Variants in SYTL1 observed in about 807,000 individuals in gnomAD.
SYTL1 encodes synaptotagmin like 1, also known as synaptotagmin-like protein 1.
A neutral mutation model predicts 74.6 loss-of-function variants in SYTL1; 53 were observed. The observed-to-expected ratio is 0.71, with a 90% CI of 0.57 to 0.89. SYTL1 has a LOEUF of 0.89. Among genes scored for constraint, SYTL1 ranks in the 40% least tolerant of loss-of-function variants. The pLI is 0.00. For missense variants in SYTL1, 728 were observed against 768.7 expected, an observed-to-expected ratio of 0.95 and a Z score of 0.63; for synonymous variants, 329 against 324.9, an observed-to-expected ratio of 1.01 and a Z score of -0.14.
chr1:27,353,827 G>C lies in SYTL1; in HGVS notation c.1664G>C (p.Arg555Thr). ...TGGGTGGATGGCCTTCTACCCCTCA[G>C]AACCAACCTGGCCCCCAGGACGTAG... is the stretch of plus-strand genomic sequence containing the variant. ...CEWVDGLLPL[R>T]TNLAPRT Residue 555 changes from arginine (R) to threonine (T), a missense_variant, in exon 15 of 15, where the codon AGA (arginine) becomes ACA (threonine). Coordinates refer to ENST00000616558, the MANE Select transcript of SYTL1 (RefSeq NM_001193308.2). The C allele has an allele frequency of 6.2e-7, 1 of 1,613,996 alleles. No individual in the cohort carries two copies. The highest frequency in any genetic ancestry group is 1.1e-5 in the South Asian group (1 of 91,086).
chr1:27,351,407 G>A lies in SYTL1; in HGVS notation c.1244-49G>A. 1 of 1,505,646 alleles carries A rather than the reference G, an allele frequency of 6.6e-7. No individual in the cohort carries two copies. The highest frequency in any genetic ancestry group is 2.5e-5 in the East Asian group (1 of 40,426). 93.3% of individuals were successfully genotyped at this position (1,505,646 alleles called of 1,614,324 possible). On this transcript the variant is annotated intron_variant, in intron 12 of 14. Transcript: ENST00000616558. The surrounding 1 kb of genome is among the most constrained non-coding windows in gnomAD (Gnocchi z 5.0). The stretch of plus-strand genomic sequence containing the variant: ...GGGAGACTCCAGTCCCCGGGTTTGG[G>A]GGCGGTGGACTCCATCCGTGTGCGG...
At position 27,353,285 on chromosome 1, in the gene SYTL1, T is replaced by C. The variant is rs1571051060; in HGVS notation, c.1346T>C (p.Phe449Ser). The C allele has an allele frequency of 6.3e-7, 1 of 1,588,438 alleles. No individual in the cohort carries two copies. The highest frequency in any genetic ancestry group is 2.3e-5 in the East Asian group (1 of 43,476). ...AGSLDTYVQC[F>S]VLPDDSQASR... ...ATGCCAGGCCACCTCCCGCACAGCT[T>C]CGTGCTGCCTGATGACAGCCAGGCC... Residue 449 changes from phenylalanine to serine, a missense_variant and splice_region_variant, in exon 14 of 15, where the codon TTC becomes TCC. By Grantham distance (155) the Phe-to-Ser change is radical. Transcript: ENST00000616558.
rs2015249074 is a variant in SYTL1 at position 27,351,040 on chromosome 1, C to T, written c.1164+88C>T. The stretch of plus-strand genomic sequence containing the variant: ...GCTCTCCCGCAGCCCCCTCACACCC[C>T]GCCTTCGACAGAACCTCCCCTCAAC... On this transcript the variant is annotated intron_variant, in intron 11 of 14. Transcript: ENST00000616558. The surrounding 1 kb of genome is among the most constrained non-coding windows in gnomAD (Gnocchi z 5.0). 3.4e-6 allele frequency: 5 copies of T among 1,491,082 alleles called. No individual in the cohort carries two copies. Among genetic ancestry groups the T allele is most frequent in the East Asian group, 2.4e-5 (1 of 42,094 alleles). 92.4% of individuals were successfully genotyped at this position (1,491,082 alleles called of 1,614,324 possible). A position where few individuals can be genotyped will look rare whatever the true frequency, so the allele number is the denominator to read the frequency against.
At position 27,351,607 on chromosome 1, in the gene SYTL1, G is replaced by A. The variant is rs1314146409; in HGVS notation, c.1343+52G>A. 5.8e-6 allele frequency: 7 copies of A among 1,205,312 alleles called. No homozygotes were observed. The allele number at this position is 1,205,312 out of a possible 1,614,324, so 74.7% of individuals were successfully genotyped here. A position where few individuals can be genotyped will look rare whatever the true frequency, so the allele number is the denominator to read the frequency against. On this transcript the variant is annotated intron_variant, in intron 13 of 14. Coordinates refer to ENST00000616558, the MANE Select transcript of SYTL1 (RefSeq NM_001193308.2). This position sits in a 1 kb window ranked among gnomAD's most constrained non-coding sequence, Gnocchi z 5.0. Reference sequence around the variant, plus strand: ...CCCATTCTTTTGCCTGCAGTGGAGTGCCCAACCTCCACAAACCCTTACTAA... The same window carrying A: ...CCCATTCTTTTGCCTGCAGTGGAGTACCCAACCTCCACAAACCCTTACTAA...
rs546685296 is a variant in SYTL1 at position 27,350,215 on chromosome 1, C to A, written c.908+83C>A. ...AGGGTCTCGGCCTCCTCGTCCTCAT[C>A]TTCAAAATGGGAACAACAGCGTTAT... On this transcript the variant is annotated intron_variant, in intron 9 of 14. Transcript: ENST00000616558. This position sits in a 1 kb window ranked among gnomAD's most constrained non-coding sequence, Gnocchi z 6.3. 6.7e-7 allele frequency: 1 copy of A among 1,483,314 alleles called. No homozygotes were observed. The highest frequency in any genetic ancestry group is 1.3e-5 in the South Asian group (1 of 78,796). The allele number at this position is 1,483,314 out of a possible 1,614,324, so 91.9% of individuals were successfully genotyped here. A position where few individuals can be genotyped will look rare whatever the true frequency, so the allele number is the denominator to read the frequency against.
rs1378432069 is a variant in SYTL1 at position 27,342,921 on chromosome 1, G to T, written c.-39+771G>T. The stretch of plus-strand genomic sequence containing the variant: ...CTCACACGTTGGCCACAGAAGTCCA[G>T]GGAAACTGCTGTTGTGGAGCACACA... On this transcript the variant is annotated intron_variant, in intron 1 of 14. Coordinates refer to ENST00000616558, the MANE Select transcript of SYTL1 (RefSeq NM_001193308.2). This position sits in a 1 kb window ranked among gnomAD's most constrained non-coding sequence, Gnocchi z 4.7. 6.6e-6 allele frequency among the ~76,000 whole-genome samples: 1 copy of T among 152,036 alleles called. No individual in the cohort carries two copies. The highest frequency in any genetic ancestry group is 1.9e-4 in the East Asian group (1 of 5,190).
chr1:27,344,264 C>T (rs1013556745), intron 1 of SYTL1, among the ~76,000 whole-genome samples: 2 of 151,996 alleles, frequency 1.3e-5, no homozygotes, highest in African/African-American at 2.4e-5. Context: ...CCACCATGCC[C>T]GGCTAATTTT....
chr1:27,352,322 G>A (rs906868249), intron 13 of SYTL1: 3 of 151,812 alleles, frequency 2.0e-5, no homozygotes, highest in African/African-American at 7.3e-5. Flanking sequence ...GCAAAACAGA[G>A]CGAGACTCGA....
In SYTL1 at chr1:27,350,407, C is replaced by G; in HGVS notation, c.927C>G (p.Leu309=). Reference sequence around the variant, plus strand: ...TCCCCAGCTACGTCAAAAGCTACCTCCTCCCGGATAAGCAGAGCAAGCGCA... The same window carrying G: ...TCCCCAGCTACGTCAAAAGCTACCTGCTCCCGGATAAGCAGAGCAAGCGCA... ...RRSDPYVKSY[L]LPDKQSKRKT... The change falls in exon 10 of 15, where the codon CTC becomes CTG. Residue 309 remains leucine (L), a synonymous_variant. Coordinates refer to ENST00000616558, the MANE Select transcript of SYTL1 (RefSeq NM_001193308.2). This position sits in a 1 kb window ranked among gnomAD's most constrained non-coding sequence, Gnocchi z 6.3. 6.2e-7 allele frequency: 1 copy of G among 1,614,182 alleles called. No individual in the cohort carries two copies. Among genetic ancestry groups the G allele is most frequent in the Non-Finnish European group, 8.5e-7 (1 of 1,180,008 alleles).
At chr1:27,349,841 C>A in intron 8 of SYTL1, 76 bp downstream of exon 8, 1 of 1,538,744 alleles carries the variant, frequency 6.5e-7, no homozygotes, top group Non-Finnish European at 8.7e-7. Context: ...CTGCCCCTCC[C>A]TCGCCGCGGG....
Position 27,342,303 on chromosome 1 carries a change from T to G in SYTL1, c.-39+153T>G. On this transcript the variant is annotated intron_variant, in intron 1 of 14. Coordinates refer to ENST00000616558, the MANE Select transcript of SYTL1 (RefSeq NM_001193308.2). The surrounding 1 kb of genome is among the most constrained non-coding windows in gnomAD (Gnocchi z 4.7). ...CTGGACAGATGGACAGACCCTCCTC[T>G]TGACCAATGGGTCTGTCCCACCGTG... 1 of 984,826 alleles carries G rather than the reference T, an allele frequency of 1.0e-6. No individual in the cohort carries two copies. The highest frequency in any genetic ancestry group is 1.2e-6 in the Non-Finnish European group (1 of 829,358). 61.0% of individuals were successfully genotyped at this position (984,826 alleles called of 1,614,324 possible). A position where few individuals can be genotyped will look rare whatever the true frequency, so the allele number is the denominator to read the frequency against.
At position 27,351,118 on chromosome 1, in the gene SYTL1, G is replaced by C; in HGVS notation, c.1165-140G>C. Reference sequence around the variant, plus strand: ...CCCGGCCGGCCACGGCCCCTTCCCCGAGGGCGCTAGGACCCCTAGGTTCTG... The same window carrying C: ...CCCGGCCGGCCACGGCCCCTTCCCCCAGGGCGCTAGGACCCCTAGGTTCTG... On this transcript the variant is annotated intron_variant, in intron 11 of 14. Transcript: ENST00000616558. The surrounding 1 kb of genome is among the most constrained non-coding windows in gnomAD (Gnocchi z 5.0). The C allele has an allele frequency of 2.3e-6, 3 of 1,313,780 alleles. No individual in the cohort carries two copies. Among genetic ancestry groups the C allele is most frequent in the Non-Finnish European group, 2.1e-6 (2 of 966,254 alleles). The allele number at this position is 1,313,780 out of a possible 1,614,324, so 81.4% of individuals were successfully genotyped here.
rs916526690 is a variant in SYTL1 at position 27,349,545 on chromosome 1, C to G, written c.633+47C>G. 269 of 1,452,052 alleles carry G rather than the reference C, an allele frequency of 1.9e-4. 1 individual carries two copies. The highest frequency in any genetic ancestry group is 2.4e-4 in the Non-Finnish European group (266 of 1,098,226). 89.9% of individuals were successfully genotyped at this position (1,452,052 alleles called of 1,614,324 possible). On this transcript the variant is annotated intron_variant, in intron 7 of 14. Transcript: ENST00000616558. ...CTGCTCTCAACATCCGGAGCGGACT[C>G]CGGGCGGGGAGCGCTCCTGCCCAGG...
rs1044737200 is a variant in SYTL1, at chr1:27,348,423, T to TA, written c.459+421dup. On this transcript the variant is annotated intron_variant, in intron 5 of 14. Transcript: ENST00000616558. This position sits in a 1 kb window ranked among gnomAD's most constrained non-coding sequence, Gnocchi z 4.1. Reference sequence around the variant, plus strand: ...GCCCCCCATGTCTATAAAAAATAAATAAAAAAAAAAGGCCGGTCGTGGCAG... The same window carrying TA: ...GCCCCCCATGTCTATAAAAAATAAATAAAAAAAAAAAGGCCGGTCGTGGCAG... 1.0e-3 allele frequency among the ~76,000 whole-genome samples: 144 copies of TA among 141,766 alleles called. No homozygotes were observed. The East Asian group carries it at 0.012, about 11-fold the overall frequency. The allele number at this position is 141,766 out of a possible 152,430, so 93.0% of individuals were successfully genotyped here. A position where few individuals can be genotyped will look rare whatever the true frequency, so the allele number is the denominator to read the frequency against.
In SYTL1 at chr1:27,345,955, A is replaced by G. The variant is rs562537158; in HGVS notation, c.191+430A>G. ...GCCACCATGCCCAGCTAATTTTTGT[A>G]TTTTTAGTAGAGATGGGTTTTCGCC... On this transcript the variant is annotated intron_variant, in intron 2 of 14. Transcript: ENST00000616558. The surrounding 1 kb of genome is among the most constrained non-coding windows in gnomAD (Gnocchi z 6.0). 6.6e-6 allele frequency among the ~76,000 whole-genome samples: 1 copy of G among 152,050 alleles called. No homozygotes were observed. The highest frequency in any genetic ancestry group is 2.4e-5 in the African/African-American group (1 of 41,478).
chr1:27,345,978 G>A lies in SYTL1; in HGVS notation c.191+453G>A, dbSNP rs1319352802. Among the ~76,000 whole-genome samples, 1 of 151,918 alleles carries A rather than the reference G, an allele frequency of 6.6e-6. No individual in the cohort carries two copies. The highest frequency in any genetic ancestry group is 1.5e-5 in the Non-Finnish European group (1 of 67,956). On this transcript the variant is annotated intron_variant, in intron 2 of 14. Coordinates refer to ENST00000616558, the MANE Select transcript of SYTL1 (RefSeq NM_001193308.2). This position sits in a 1 kb window ranked among gnomAD's most constrained non-coding sequence, Gnocchi z 6.0. ...GTATTTTTAGTAGAGATGGGTTTTC[G>A]CCATGTTGGCCAAGCTGGTCTTGAA...
intron 14 of SYTL1, 57 bp from the exon 15 acceptor site, chr1:27,353,656 G>A (rs2015380880): frequency 1.8e-5 from 29 of 1,585,200 alleles, no homozygotes; most frequent in South Asian, 4.6e-5. Context: ...CAGGTGTTTG[G>A]GGGCCCCAAG....
In SYTL1 at chr1:27,342,262, T is replaced by C; in HGVS notation, c.-39+112T>C. 1.1e-6 allele frequency: 1 copy of C among 914,588 alleles called. No homozygotes were observed. The highest frequency in any genetic ancestry group is 1.3e-6 in the Non-Finnish European group (1 of 765,328). 56.7% of individuals were successfully genotyped at this position (914,588 alleles called of 1,614,324 possible). ...TGGGGTTGGGGGAGGTGGGCACATG[T>C]CTGGAACTGGAACAGCTGGACAGAT... On this transcript the variant is annotated intron_variant, in intron 1 of 14. Coordinates refer to ENST00000616558, the MANE Select transcript of SYTL1 (RefSeq NM_001193308.2). This position sits in a 1 kb window ranked among gnomAD's most constrained non-coding sequence, Gnocchi z 4.7.
In SYTL1 at chr1:27,351,181, A is replaced by C. The variant is rs1284928071; in HGVS notation, c.1165-77A>C. On this transcript the variant is annotated intron_variant, in intron 11 of 14. Coordinates refer to ENST00000616558, the MANE Select transcript of SYTL1 (RefSeq NM_001193308.2). This position sits in a 1 kb window ranked among gnomAD's most constrained non-coding sequence, Gnocchi z 5.0. ...CCGCCGTCTCTTCTAGCCGCACCCCATCCGGGTCTGCAGACCCCACCCTCC... is the reference window on the plus strand; with the variant it reads ...CCGCCGTCTCTTCTAGCCGCACCCCCTCCGGGTCTGCAGACCCCACCCTCC... The C allele has an allele frequency of 6.7e-7, 1 of 1,493,032 alleles. No homozygotes were observed. Among genetic ancestry groups the C allele is most frequent in the Non-Finnish European group, 9.1e-7 (1 of 1,101,526 alleles). 92.5% of individuals were successfully genotyped at this position (1,493,032 alleles called of 1,614,324 possible). A position where few individuals can be genotyped will look rare whatever the true frequency, so the allele number is the denominator to read the frequency against.
Sources: allele counts gnomAD v4.1 joint callset (sites outside exome capture counted in the v4.1 genomes callset), GRCh38; gene constraint gnomAD v4.1.1; non-coding constraint Gnocchi (gnomAD v3.1); transcripts MANE v1.5; gene names NCBI Gene and HGNC (gene_info 2026-07-23, HGNC 2026-07-21).